Variants in BIRC6 observed in about 807,000 individuals in gnomAD.
The protein encoded by BIRC6 is baculoviral IAP repeat containing 6.
In BIRC6, 98 loss-of-function variants were observed where a neutral mutation model predicts 503.3. That is an observed-to-expected ratio of 0.19 (90% CI 0.17 to 0.23). The LOEUF (loss-of-function observed/expected upper bound fraction) is 0.23. Among genes scored for constraint, BIRC6 ranks in the 10% least tolerant of loss-of-function variants. BIRC6 has a pLI of 1.00. For synonymous variants in BIRC6, 2,240 were observed against 2,078.7 expected (o/e 1.08, Z -2.11); for missense variants, 5,360 against 5,806.0 (o/e 0.92, Z 2.50).
intron 41 of BIRC6, among the ~76,000 whole-genome samples, 197 bp downstream of exon 41, chr2:32,487,998 T>C (rs1160037766): frequency 6.6e-6 from 1 of 151,474 alleles, no homozygotes; most frequent in Non-Finnish European, 1.5e-5. Context: ...TTTTTAAGAT[T>C]TTTAGCTTCA....
At chr2:32,387,838 A>G (rs999505294) in intron 3 of BIRC6, among the ~76,000 whole-genome samples, 18 of 152,210 alleles carry the variant, frequency 1.2e-4, no homozygotes, top group Non-Finnish European at 1.3e-4. Context: ...TTGGTGATAT[A>G]TATAAGAACA....
Position 32,487,682 on chromosome 2 carries a change from C to T in BIRC6, c.7849C>T (p.Leu2617=), listed in dbSNP as rs1490351840. 2 of 1,613,642 alleles carry T rather than the reference C, an allele frequency of 1.2e-6. No homozygotes were observed. The highest frequency in any genetic ancestry group is 1.7e-6 in the Non-Finnish European group (2 of 1,179,712). ...QSPTGTDDSL[L]GGLQAANQTS... ...TCCCACTGGAACAGATGATTCACTT[C>T]TAGGGGGTTTACAAGCAGCAAACCA... The change falls in exon 41 of 74, where the codon CTA becomes TTA. Residue 2617 remains leucine, a synonymous_variant. Coordinates refer to ENST00000421745, the MANE Select transcript of BIRC6 (RefSeq NM_016252.4).
intron 55 of BIRC6, among the ~76,000 whole-genome samples, chr2:32,517,567 C>CTA (rs1201192187): frequency 6.6e-6 from 1 of 152,028 alleles, no homozygotes; most frequent in African/African-American, 2.4e-5. Context: ...CTTAGTAAGG[C>CTA]TTTATATACA....
At chr2:32,470,820 T>TA (rs1241406751) in intron 31 of BIRC6, among the ~76,000 whole-genome samples, 194 bp from the exon 32 acceptor site, 1 of 152,244 alleles carries the variant, frequency 6.6e-6, no homozygotes, top group Non-Finnish European at 1.5e-5. Flanking sequence ...TTGTCTTTCA[T>TA]TAGATTTGAT....
intron 49 of BIRC6, among the ~76,000 whole-genome samples, chr2:32,504,706 TA>T (rs1392256006): frequency 6.6e-6 from 1 of 151,770 alleles, no homozygotes; most frequent in African/African-American, 2.4e-5. Context: ...AAAAAAAATT[TA>T]AAAAAAGTTT....
At chr2:32,472,964 C>G (rs543743671) in intron 32 of BIRC6, 148 bp from the exon 33 acceptor site, 7 of 620,678 alleles carry the variant, frequency 1.1e-5, no homozygotes, top group African/African-American at 5.7e-5. Context: ...ATCAGATCTT[C>G]TAGCAATTTC....
rs1237462362 is a variant in BIRC6, at chr2:32,357,039, C to T, written c.-123C>T. ...GGGCCCCGCCTCCCTCCCTGCTTCT[C>T]CCCCTCTCCCGTCAGCCTCCCTCCG... On this transcript the variant is annotated 5_prime_UTR_variant, in exon 1 of 74. Coordinates refer to ENST00000421745, the MANE Select transcript of BIRC6 (RefSeq NM_016252.4). The surrounding 1 kb of genome is among the most constrained non-coding windows in gnomAD (Gnocchi z 4.9). 7 of 873,530 alleles carry T rather than the reference C, an allele frequency of 8.0e-6. No homozygotes were observed. Among genetic ancestry groups the T allele is most frequent in the Non-Finnish European group, 9.8e-6 (6 of 614,440 alleles). 54.1% of individuals were successfully genotyped at this position (873,530 alleles called of 1,614,324 possible).
chr2:32,551,963 T>G (rs959347138), intron 65 of BIRC6, among the ~76,000 whole-genome samples: 1 of 152,204 alleles, frequency 6.6e-6, no homozygotes, highest in Admixed American at 6.5e-5. Context: ...TTGCTTATAT[T>G]GCTAGCAGAT....
chr2:32,559,915 C>G (rs1187327012), intron 65 of BIRC6, among the ~76,000 whole-genome samples: 3 of 151,650 alleles, frequency 2.0e-5, no homozygotes, highest in African/African-American at 7.3e-5. Flanking sequence ...GCTTGGAAGG[C>G]TGAGGCAGGA....
At chr2:32,393,775 C>T (rs1003563141) in intron 5 of BIRC6, among the ~76,000 whole-genome samples, 2 of 152,164 alleles carry the variant, frequency 1.3e-5, no homozygotes, top group African/African-American at 4.8e-5. Context: ...CCTGCCTTAA[C>T]CTTCTAAAGT....
Position 32,515,179 on chromosome 2 carries a change from G to A in BIRC6, c.10758G>A (p.Gln3586=). The A allele has an allele frequency of 1.2e-6, 2 of 1,613,914 alleles. No individual in the cohort carries two copies. Among genetic ancestry groups the A allele is most frequent in the South Asian group, 2.2e-5 (2 of 91,084 alleles). Residue 3586 remains glutamine, a synonymous_variant, in exon 55 of 74, where the codon CAG becomes CAA. Transcript: ENST00000421745. ...RLSMTDDSKK[Q]DLSSSLTDDS... ...CCATGACAGATGATAGCAAAAAGCA[G>A]GATCTTAGTTCATCTTTAACAGATG...
chr2:32,436,259 A>G, intron 15 of BIRC6, 75 bp downstream of exon 15: 1 of 1,130,382 alleles, frequency 8.8e-7, no homozygotes, highest in East Asian at 3.1e-5. Flanking sequence ...AACTGATCTC[A>G]AAAAAAATAA....
rs1339455921 is a variant in BIRC6 at position 32,464,840 on chromosome 2, A to G, written c.5256+17A>G. 4 of 1,587,244 alleles carry G rather than the reference A, an allele frequency of 2.5e-6. No homozygotes were observed. The highest frequency in any genetic ancestry group is 3.4e-6 in the Non-Finnish European group (4 of 1,165,866). ...TCCAGAATGGTAAATTATGTTTTAA[A>G]TAGGTGTTGGCTTAGACATTTAAAA... On this transcript the variant is annotated intron_variant, in intron 25 of 73. Transcript: ENST00000421745.
At chr2:32,521,916 C>T (rs543963973) in intron 57 of BIRC6, 1 of 152,080 alleles carries the variant, frequency 6.6e-6, no homozygotes, top group African/African-American at 2.4e-5. Context: ...TAGAGTTTGT[C>T]GAGTTTCTTG....
At chr2:32,580,722 G>A (rs1380641214) in intron 66 of BIRC6, among the ~76,000 whole-genome samples, 1 of 152,176 alleles carries the variant, frequency 6.6e-6, no homozygotes, top group East Asian at 1.9e-4. Flanking sequence ...ACTTTCATCT[G>A]TTTTGTCTCA....
intron 66 of BIRC6, chr2:32,591,118 T>G (rs994317070): frequency 2.5e-6 from 1 of 393,328 alleles, no homozygotes; most frequent in African/African-American, 2.2e-5. Context: ...GTGTGTGTTC[T>G]TCATATATTC....
chr2:32,447,673 C>T (rs2046209872), intron 21 of BIRC6, among the ~76,000 whole-genome samples: 1 of 117,620 alleles, frequency 8.5e-6, no homozygotes, highest in South Asian at 3.1e-4. Flanking sequence ...CCTCCCCCCT[C>T]CCGGACTGGG....
At chr2:32,556,333 TA>T (rs1440906900) in intron 65 of BIRC6, among the ~76,000 whole-genome samples, 4 of 152,210 alleles carry the variant, frequency 2.6e-5, no homozygotes, top group Admixed American at 1.3e-4. Context: ...TTTGTAAAGT[TA>T]AAGTATTAGT....
At chr2:32,553,035 AC>A (rs1449670228) in intron 65 of BIRC6, among the ~76,000 whole-genome samples, 17 of 149,032 alleles carry the variant, frequency 1.1e-4, no homozygotes, top group African/African-American at 3.9e-4. Context: ...AAAAAAACAA[AC>A]AAAAAACAAA....
Sources: allele counts gnomAD v4.1 joint callset (sites outside exome capture counted in the v4.1 genomes callset), GRCh38; gene constraint gnomAD v4.1.1; non-coding constraint Gnocchi (gnomAD v3.1); transcripts MANE v1.5; gene names NCBI Gene and HGNC (gene_info 2026-07-23, HGNC 2026-07-21).